The following ATP6V1H variants were observed in gnomAD, a reference collection of about 807,000 sequenced individuals.
The protein encoded by ATP6V1H is V-type proton ATPase subunit H.
A neutral mutation model predicts 71.7 loss-of-function variants in ATP6V1H; 39 were observed. The ratio of observed to expected loss-of-function variants is 0.54; its 90% CI spans 0.42 to 0.71. ATP6V1H has a LOEUF of 0.71. Ranked by LOEUF, ATP6V1H falls within the 30% of genes least tolerant of loss-of-function variation. The pLI, the probability that ATP6V1H is intolerant of heterozygous loss-of-function variation, is 0.00. For synonymous variants in ATP6V1H, 192 were observed against 199.3 expected (o/e 0.96, Z 0.31); for missense variants, 509 against 594.9 (o/e 0.86, Z 1.50).
At chr8:53,723,866 A>C (rs1188976854) in intron 13 of ATP6V1H, among the ~76,000 whole-genome samples, 1 of 152,258 alleles carries the variant, frequency 6.6e-6, no homozygotes, top group Non-Finnish European at 1.5e-5. Context: ...CAAAACAGTA[A>C]ACAGAAAAGT....
chr8:53,721,439 G>GT (rs1477737061), intron 13 of ATP6V1H, among the ~76,000 whole-genome samples: 1 of 152,156 alleles, frequency 6.6e-6, no homozygotes, highest in Non-Finnish European at 1.5e-5. Context: ...AGGAAAAACA[G>GT]TATTTAACAT....
chr8:53,820,373 G>T (rs1221030611), intron 4 of ATP6V1H, among the ~76,000 whole-genome samples: 1 of 151,478 alleles, frequency 6.6e-6, no homozygotes, highest in South Asian at 2.1e-4. Flanking sequence ...GAAACTTTAG[G>T]GTTCTGCAAG....
chr8:53,768,049 C>T (rs1280598910), intron 11 of ATP6V1H, among the ~76,000 whole-genome samples: 1 of 152,066 alleles, frequency 6.6e-6, no homozygotes, highest in East Asian at 1.9e-4. Context: ...TGATCTTGGA[C>T]CTGTATCCAG....
intron 7 of ATP6V1H, among the ~76,000 whole-genome samples, chr8:53,809,390 A>C (rs939019845): frequency 2.0e-5 from 3 of 152,224 alleles, no homozygotes; most frequent in Admixed American, 2.0e-4. Flanking sequence ...TCTGCTTTTC[A>C]AGTAGACAGC....
intron 11 of ATP6V1H, among the ~76,000 whole-genome samples, chr8:53,767,824 G>A (rs183293543): frequency 7.2e-4 from 109 of 152,234 alleles, no homozygotes; most frequent in Non-Finnish European, 1.2e-3. Context: ...ACTCAAAATG[G>A]ATCAAGAACC....
chr8:53,837,815 G>A (rs1296882759), intron 2 of ATP6V1H, among the ~76,000 whole-genome samples: 4 of 152,142 alleles, frequency 2.6e-5, no homozygotes, highest in African/African-American at 9.7e-5. Flanking sequence ...CACATGCAAG[G>A]GGAACACAAC....
chr8:53,787,613 T>C (rs2130386458), intron 9 of ATP6V1H, among the ~76,000 whole-genome samples: 2 of 152,346 alleles, frequency 1.3e-5, no homozygotes, highest in Non-Finnish European at 2.9e-5. Context: ...ACATATAATG[T>C]AGGCTTTTGA....
chr8:53,749,960 T>C (rs1403202855), intron 12 of ATP6V1H, among the ~76,000 whole-genome samples: 4 of 152,176 alleles, frequency 2.6e-5, no homozygotes. Context: ...CACAGGTGTT[T>C]TGTGCCTCCT....
At chr8:53,744,479 T>A (rs1807529613) in intron 12 of ATP6V1H, among the ~76,000 whole-genome samples, 2 of 152,346 alleles carry the variant, frequency 1.3e-5, no homozygotes, top group South Asian at 2.1e-4. Flanking sequence ...CAGTGTGGAC[T>A]GCCCTGTCCA....
Position 53,772,086 on chromosome 8 carries a change from A to G in ATP6V1H, c.952T>C (p.Leu318=). ...AMIQCKVLKQ[L]ENLEQQKYDD... ...TACTTCTGCTGTTCCAAGTTCTCCA[A>G]CTGTTTCAGAACTTTGCACTGAATC... The change falls in exon 10 of 14, where the codon TTG becomes CTG. Residue 318 remains leucine, a synonymous_variant. Coordinates refer to ENST00000359530, the MANE Select transcript of ATP6V1H (RefSeq NM_015941.4). The G allele has an allele frequency of 6.2e-7, 1 of 1,613,932 alleles. No individual in the cohort carries two copies. Among genetic ancestry groups the G allele is most frequent in the Non-Finnish European group, 8.5e-7 (1 of 1,179,898 alleles).
chr8:53,780,117 C>A (rs572860722), intron 9 of ATP6V1H, among the ~76,000 whole-genome samples: 2 of 151,210 alleles, frequency 1.3e-5, no homozygotes, highest in African/African-American at 4.9e-5. Context: ...CGAGATCATG[C>A]CACTGCATTC....
chr8:53,816,749 T>C (rs12115070), intron 5 of ATP6V1H, among the ~76,000 whole-genome samples: 17,606 of 151,868 alleles, frequency 0.12, 1,562 homozygotes, highest in East Asian at 0.45. Flanking sequence ...CAAGCCGAGA[T>C]CGCACAACTG....
At chr8:53,742,964 G>GA (rs1353564812) in intron 13 of ATP6V1H, among the ~76,000 whole-genome samples, 3 of 152,286 alleles carry the variant, frequency 2.0e-5, no homozygotes, top group Non-Finnish European at 4.4e-5. Context: ...ATGTCAAGGG[G>GA]AATCTTCATT....
intron 7 of ATP6V1H, chr8:53,806,721 T>A (rs1033031404): frequency 1.3e-5 from 5 of 386,226 alleles, no homozygotes; most frequent in African/African-American, 1.0e-4. Flanking sequence ...TAAAAGAAAG[T>A]CTTAAATTTA....
intron 9 of ATP6V1H, among the ~76,000 whole-genome samples, chr8:53,792,213 T>C (rs1382457230): frequency 6.6e-6 from 1 of 152,194 alleles, no homozygotes; most frequent in Non-Finnish European, 1.5e-5. Context: ...GTAAGGAGGC[T>C]CCGCATTTGC....
At chr8:53,738,858 C>T (rs568578615) in intron 13 of ATP6V1H, among the ~76,000 whole-genome samples, 101 of 152,220 alleles carry the variant, frequency 6.6e-4, no homozygotes, top group African/African-American at 2.3e-3. Context: ...CAGCAACCTT[C>T]GATTGGGAGG....
At chr8:53,737,201 G>C (rs1807246182) in intron 13 of ATP6V1H, among the ~76,000 whole-genome samples, 1 of 152,210 alleles carries the variant, frequency 6.6e-6, no homozygotes. Flanking sequence ...GTATCTAAGG[G>C]GTTTTGTCTG....
In ATP6V1H at chr8:53,841,716, T is replaced by G. The variant is rs1811349256; in HGVS notation, c.-26A>C. 1 of 1,607,856 alleles carries G rather than the reference T, an allele frequency of 6.2e-7. No homozygotes were observed. The highest frequency in any genetic ancestry group is 8.5e-7 in the Non-Finnish European group (1 of 1,176,908). On this transcript the variant is annotated 5_prime_UTR_variant, in exon 2 of 14. Coordinates refer to ENST00000359530, the MANE Select transcript of ATP6V1H (RefSeq NM_015941.4). ...CTAAACTTCGTAATCTTGAATGTCT[T>G]TCAACAAATCTTCAATTTTGATGCA...
intron 9 of ATP6V1H, among the ~76,000 whole-genome samples, chr8:53,777,066 G>T (rs1395623023): frequency 6.6e-6 from 1 of 152,182 alleles, no homozygotes; most frequent in East Asian, 1.9e-4. Context: ...CAAAGGCTCA[G>T]TGACTTGCAG....
Sources: gnomAD v4.1 joint callset for allele counts (sites outside exome capture counted in the v4.1 genomes callset) on GRCh38, gnomAD v4.1.1 for gene constraint, MANE v1.5 for transcripts, NCBI Gene and HGNC (gene_info 2026-07-23, HGNC 2026-07-21) for gene names.